The following UBE2G1 variants were observed in gnomAD, a reference collection of about 807,000 sequenced individuals.
UBE2G1 encodes the protein ubiquitin-conjugating enzyme E2 G1.
A neutral mutation model predicts 22.7 loss-of-function variants in UBE2G1; 5 were observed. That is an observed-to-expected ratio of 0.22 (90% CI 0.12 to 0.46). UBE2G1 has a LOEUF of 0.46. Among genes scored for constraint, UBE2G1 ranks in the 20% least tolerant of loss-of-function variants. The probability of loss-of-function intolerance (pLI) is 0.99; values close to 1 mark genes in which losing one functional copy is unlikely to be tolerated. For synonymous variants in UBE2G1, 74 were observed against 67.5 expected, an observed-to-expected ratio of 1.10 and a Z score of -0.47; for missense variants, 88 against 203.9, an observed-to-expected ratio of 0.43 and a Z score of 3.46.
chr17:4,291,358 CAA>C (rs377584623), intron 3 of UBE2G1, among the ~76,000 whole-genome samples: 5 of 117,980 alleles, frequency 4.2e-5, no homozygotes, highest in Admixed American at 9.5e-5. Context: ...AACTCCATCT[CAA>C]AAAAAAAAAA....
At chr17:4,287,144 C>A (rs73328742) in intron 4 of UBE2G1, among the ~76,000 whole-genome samples, 140 of 150,444 alleles carry the variant, frequency 9.3e-4, no homozygotes, top group African/African-American at 3.4e-3. Context: ...TGCACTGTTA[C>A]CCTGGCTGGA....
chr17:4,289,179 G>A (rs1418470504), intron 4 of UBE2G1, 51 bp downstream of exon 4: 21 of 1,455,812 alleles, frequency 1.4e-5, no homozygotes, highest in Middle Eastern at 1.8e-4. Context: ...TATAGTTCAG[G>A]TTTTATTACA....
intron 5 of UBE2G1, among the ~76,000 whole-genome samples, chr17:4,280,802 T>G (rs1968879371): frequency 3.3e-5 from 5 of 151,974 alleles, no homozygotes; most frequent in Admixed American, 2.6e-4. Context: ...CCTGGCTAAT[T>G]TTTTATATTT....
intron 5 of UBE2G1, among the ~76,000 whole-genome samples, chr17:4,280,326 G>A (rs926065275): frequency 7.1e-6 from 1 of 140,892 alleles, no homozygotes; most frequent in African/African-American, 2.6e-5. Context: ...TGTGAGCCGC[G>A]GCACCTGGGC....
chr17:4,302,469 T>C lies in UBE2G1; in HGVS notation c.149+4552A>G, dbSNP rs145425630. 3.3e-4 allele frequency: 162 copies of C among 495,872 alleles called. No individual in the cohort carries two copies. The East Asian group carries it at 7.6e-3, about 23-fold the overall frequency. 30.7% of individuals were successfully genotyped at this position (495,872 alleles called of 1,614,324 possible). A position where few individuals can be genotyped will look rare whatever the true frequency, so the allele number is the denominator to read the frequency against. ...CTGAACATCAACTGGGAACTGCATA[T>C]GGCTTCACGCACTCCATTCAGAATC... On this transcript the variant is annotated intron_variant, in intron 2 of 5. Coordinates refer to ENST00000396981, the MANE Select transcript of UBE2G1 (RefSeq NM_003342.5).
intron 1 of UBE2G1, among the ~76,000 whole-genome samples, chr17:4,358,715 G>A (rs1969934780): frequency 6.6e-6 from 1 of 152,312 alleles, no homozygotes; most frequent in South Asian, 2.1e-4. Flanking sequence ...ACTTTGGGAG[G>A]CTGAAGCAGG....
chr17:4,337,696 A>T (rs1969665687), intron 1 of UBE2G1, among the ~76,000 whole-genome samples: 1 of 151,910 alleles, frequency 6.6e-6, no homozygotes, highest in African/African-American at 2.4e-5. Context: ...AAGAGAAAAA[A>T]ATCTTTGGTA....
Position 4,270,155 on chromosome 17 carries a change from T to C in UBE2G1, c.*2399A>G, listed in dbSNP as rs1028862350. On this transcript the variant is annotated 3_prime_UTR_variant, in exon 6 of 6. Transcript: ENST00000396981. ...GCTAGCCCTAAAAAAAAAACCCACA[T>C]GGTTTTATCAAACTAACTGCATTAA... 6.6e-6 allele frequency: 1 copy of C among 152,440 alleles called. No individual in the cohort carries two copies. Among genetic ancestry groups the C allele is most frequent in the Admixed American group, 6.6e-5 (1 of 15,252 alleles). The allele number at this position is 152,440 out of a possible 1,614,324, so 9.4% of individuals were successfully genotyped here.
chr17:4,351,392 G>T (rs12944289), intron 1 of UBE2G1, among the ~76,000 whole-genome samples: 24 of 152,176 alleles, frequency 1.6e-4, no homozygotes, highest in Non-Finnish European at 5.9e-5. Context: ...CAATACCCTC[G>T]TCTGTGCCAC....
Position 4,296,799 on chromosome 17 carries a change from A to G in UBE2G1, c.165T>C (p.Phe55=). The change falls in exon 3 of 6, where the codon TTT becomes TTC. Residue 55 remains phenylalanine, a synonymous_variant. Coordinates refer to ENST00000396981, the MANE Select transcript of UBE2G1 (RefSeq NM_003342.5). ...PPDTLYEGGV[F]KAHLTFPKDY... is the part of the protein sequence containing the mutation. Reference sequence around the variant, plus strand: ...CTTTTGGGAAAGTAAGATGAGCCTTAAAAACACCACCTTCACTGGAAAAAA... The same window carrying G: ...CTTTTGGGAAAGTAAGATGAGCCTTGAAAACACCACCTTCACTGGAAAAAA... 6.2e-7 allele frequency: 1 copy of G among 1,613,824 alleles called. No individual in the cohort carries two copies. The highest frequency in any genetic ancestry group is 8.5e-7 in the Non-Finnish European group (1 of 1,179,812).
chr17:4,326,311 G>A (rs1336670049), intron 1 of UBE2G1, among the ~76,000 whole-genome samples: 1 of 152,114 alleles, frequency 6.6e-6, no homozygotes, highest in East Asian at 1.9e-4. Context: ...ATAAAAAGAT[G>A]TCTGGTCAAC....
At chr17:4,364,825 G>T (rs966259912) in intron 1 of UBE2G1, among the ~76,000 whole-genome samples, 7 of 152,020 alleles carry the variant, frequency 4.6e-5, no homozygotes, top group Admixed American at 4.6e-4. Context: ...AAGGTGATCC[G>T]CCAGCCTCGG....
intron 2 of UBE2G1, chr17:4,301,302 C>T (rs1396158437): frequency 2.4e-6 from 1 of 421,342 alleles, no homozygotes; most frequent in Non-Finnish European, 4.5e-6. Flanking sequence ...TCTGCCAGGT[C>T]CTGGAGTTGT....
intron 1 of UBE2G1, among the ~76,000 whole-genome samples, chr17:4,343,420 C>T (rs931734743): frequency 5.3e-5 from 8 of 152,088 alleles, no homozygotes; most frequent in Admixed American, 2.0e-4. Context: ...AGAAGAATTG[C>T]TTTAACCCAG....
chr17:4,272,759 C>T (rs1350848675), intron 5 of UBE2G1, among the ~76,000 whole-genome samples: 1 of 152,166 alleles, frequency 6.6e-6, no homozygotes, highest in East Asian at 1.9e-4. Context: ...GCACATTTCA[C>T]GTGCTCAGTA....
intron 2 of UBE2G1, chr17:4,302,048 G>A (rs1177382437): frequency 6.5e-5 from 32 of 490,638 alleles, no homozygotes; most frequent in African/African-American, 2.4e-4. Context: ...AACAAAAAAA[G>A]GGGGGGGAAG....
At chr17:4,299,081 A>C (rs538157446) in intron 2 of UBE2G1, among the ~76,000 whole-genome samples, 2 of 152,342 alleles carry the variant, frequency 1.3e-5, no homozygotes, top group Admixed American at 1.3e-4. Flanking sequence ...ATGAGTCACT[A>C]TCAAAGTTTT....
intron 1 of UBE2G1, among the ~76,000 whole-genome samples, chr17:4,327,766 C>T (rs190911940): frequency 5.3e-5 from 8 of 152,290 alleles, no homozygotes; most frequent in Admixed American, 2.0e-4. Context: ...TGTCATTACT[C>T]TGAATCACCC....
chr17:4,288,194 CTT>C (rs1968992019), intron 4 of UBE2G1, among the ~76,000 whole-genome samples: 1 of 152,132 alleles, frequency 6.6e-6, no homozygotes, highest in South Asian at 2.1e-4. Context: ...AGATGTGAAA[CTT>C]TTGAAAATTG....
Sources: gnomAD v4.1 joint callset for allele counts (sites outside exome capture counted in the v4.1 genomes callset) on GRCh38, gnomAD v4.1.1 for gene constraint, MANE v1.5 for transcripts, NCBI Gene and HGNC (gene_info 2026-07-23, HGNC 2026-07-21) for gene names.